ATRNL1: variants seen among roughly 807,000 people sequenced by gnomAD.
ATRNL1 encodes the protein attractin like 1.
ATRNL1 carries 95 observed loss-of-function variants against 182.7 expected under a neutral mutation model. The observed-to-expected ratio is 0.52, with a 90% confidence interval of 0.44 to 0.62. ATRNL1 has a LOEUF of 0.62. ATRNL1 is among the 20% of genes least tolerant of loss of function. ATRNL1 has a pLI of 0.00. For synonymous variants in ATRNL1, 576 were observed against 568.3 expected, an observed-to-expected ratio of 1.01 and a Z score of -0.19; for missense variants, 1,471 against 1,679.5, an observed-to-expected ratio of 0.88 and a Z score of 2.17.
intron 24 of ATRNL1, among the ~76,000 whole-genome samples, chr10:115,501,125 G>C (rs1554980017): frequency 6.6e-6 from 1 of 151,456 alleles, no homozygotes; most frequent in Non-Finnish European, 1.5e-5. Context: ...GTAGAGACAG[G>C]GTTTCACCAT....
intron 27 of ATRNL1, among the ~76,000 whole-genome samples, chr10:115,831,507 C>A (rs1242304155): frequency 6.6e-6 from 1 of 151,994 alleles, no homozygotes; most frequent in Non-Finnish European, 1.5e-5. Flanking sequence ...ATGAGAAAAT[C>A]CCCCCAGTGA....
At position 115,803,249 on chromosome 10, in the gene ATRNL1, C is replaced by T. The variant is rs528610742; in HGVS notation, c.3904-44628C>T. On this transcript the variant is annotated intron_variant, in intron 27 of 28. Transcript: ENST00000355044. ...AGTATACTTACCTAAATTAATTTGG[C>T]AAGATTATTTTGGTTCAAATCCTCA... 4.5e-5 allele frequency among the ~76,000 whole-genome samples: 6 copies of T among 133,852 alleles called. No individual in the cohort carries two copies. In the East Asian group the frequency reaches 1.6e-3, roughly 36 times the overall value. 87.8% of individuals were successfully genotyped at this position (133,852 alleles called of 152,430 possible).
intron 9 of ATRNL1, among the ~76,000 whole-genome samples, chr10:115,232,330 A>T (rs1554900192): frequency 6.6e-6 from 1 of 152,000 alleles, no homozygotes; most frequent in Non-Finnish European, 1.5e-5. Flanking sequence ...TTTGGTTTTA[A>T]TTTGCGTTTC....
rs570871858 is a variant in ATRNL1, at chr10:115,324,023, C to T, written c.3037+8287C>T. 3.3e-3 allele frequency among the ~76,000 whole-genome samples: 495 copies of T among 152,112 alleles called. 2 individuals carry two copies. Among genetic ancestry groups the T allele is most frequent in the Middle Eastern group, 6.8e-3 (2 of 292 alleles). On this transcript the variant is annotated intron_variant, in intron 18 of 28. Coordinates refer to ENST00000355044, the MANE Select transcript of ATRNL1 (RefSeq NM_207303.4). ...CGATCTCCTGACCTCGTGATCTGCC[C>T]GCCTTGGCCTCCCAAAGTGCTGGGA...
At chr10:115,157,035 A>G (rs1846553154) in intron 5 of ATRNL1, among the ~76,000 whole-genome samples, 1 of 152,104 alleles carries the variant, frequency 6.6e-6, no homozygotes, top group Non-Finnish European at 1.5e-5. Context: ...ATGTTCTAGT[A>G]CAATAACATA....
chr10:115,442,292 T>TCTCTCTCTCTCTCTCTCTCTCC (rs1846729269), intron 21 of ATRNL1, among the ~76,000 whole-genome samples: 2 of 129,210 alleles, frequency 1.5e-5, no homozygotes, highest in African/African-American at 5.2e-5. Flanking sequence ...TCTCTCTCTC[T>TCTCTCTCTCTCTCTCTCTCTCC]CTCTCTCTCT....
At chr10:115,605,978 T>G (rs1283175030) in intron 26 of ATRNL1, among the ~76,000 whole-genome samples, 1 of 151,950 alleles carries the variant, frequency 6.6e-6, no homozygotes, top group Non-Finnish European at 1.5e-5. Flanking sequence ...GAAAGATGCA[T>G]GCATAATGAA....
chr10:115,464,877 T>C (rs1224172610), intron 22 of ATRNL1, among the ~76,000 whole-genome samples: 3 of 151,784 alleles, frequency 2.0e-5, no homozygotes, highest in Non-Finnish European at 4.4e-5. Context: ...GTCCTTTTTT[T>C]GAGTTCCCAG....
chr10:115,409,658 AAAACAAAC>A (rs1219865872), intron 20 of ATRNL1, among the ~76,000 whole-genome samples: 2 of 152,284 alleles, frequency 1.3e-5, no homozygotes, highest in South Asian at 2.1e-4. Flanking sequence ...TTCTTACTGA[AAAACAAAC>A]AAACAAAAAA....
chr10:115,928,431 C>T (rs528803678), intron 28 of ATRNL1, among the ~76,000 whole-genome samples: 8 of 152,100 alleles, frequency 5.3e-5, no homozygotes, highest in African/African-American at 1.4e-4. Flanking sequence ...TCTTAGACTT[C>T]ATAAGCTTTT....
chr10:115,290,475 T>C (rs1202692497), intron 15 of ATRNL1, among the ~76,000 whole-genome samples: 4 of 151,992 alleles, frequency 2.6e-5, no homozygotes, highest in African/African-American at 7.2e-5. Flanking sequence ...GCCAACAAGG[T>C]GAAACGCCGT....
chr10:115,449,261 G>A (rs978938083), intron 21 of ATRNL1, among the ~76,000 whole-genome samples: 12 of 152,298 alleles, frequency 7.9e-5, no homozygotes, highest in Middle Eastern at 3.4e-3. Context: ...GAAGCAGCCA[G>A]ACATTGGAGA....
chr10:115,854,965 C>T (rs1255843025), intron 28 of ATRNL1, among the ~76,000 whole-genome samples: 1 of 152,106 alleles, frequency 6.6e-6, no homozygotes, highest in Non-Finnish European at 1.5e-5. Context: ...CTTTTCATTG[C>T]CTGTTGAAAT....
At chr10:115,429,409 C>T (rs1291138200) in intron 21 of ATRNL1, among the ~76,000 whole-genome samples, 1 of 152,024 alleles carries the variant, frequency 6.6e-6, no homozygotes, top group Non-Finnish European at 1.5e-5. Context: ...GTTGAGACCT[C>T]TATTTCTGGG....
intron 24 of ATRNL1, among the ~76,000 whole-genome samples, chr10:115,483,523 T>G (rs1848869693): frequency 6.6e-6 from 1 of 151,578 alleles, no homozygotes; most frequent in Non-Finnish European, 1.5e-5. Flanking sequence ...GCCAAATATA[T>G]TTAATATAAT....
At chr10:115,221,104 C>G (rs538401997) in intron 9 of ATRNL1, among the ~76,000 whole-genome samples, 1 of 152,296 alleles carries the variant, frequency 6.6e-6, no homozygotes, top group African/African-American at 2.4e-5. Flanking sequence ...AGGGTTTGCA[C>G]TCCTATGATA....
intron 26 of ATRNL1, among the ~76,000 whole-genome samples, chr10:115,566,582 C>T (rs565712905): frequency 1.3e-3 from 199 of 152,088 alleles, no homozygotes; most frequent in African/African-American, 4.5e-3. Context: ...AATGATATTA[C>T]GGAGACTATT....
chr10:115,694,442 A>G (rs1946489657), intron 26 of ATRNL1, among the ~76,000 whole-genome samples: 1 of 152,120 alleles, frequency 6.6e-6, no homozygotes, highest in Non-Finnish European at 1.5e-5. Context: ...TAAATACTAG[A>G]CAAATATCTT....
At chr10:115,938,505 G>A (rs1467445761) in intron 28 of ATRNL1, among the ~76,000 whole-genome samples, 2 of 152,060 alleles carry the variant, frequency 1.3e-5, no homozygotes, top group Non-Finnish European at 2.9e-5. Context: ...TCTGATTTTG[G>A]TGTATGTTCT....
Sources: gnomAD v4.1 joint callset for allele counts (sites outside exome capture counted in the v4.1 genomes callset) on GRCh38, gnomAD v4.1.1 for gene constraint, MANE v1.5 for transcripts, NCBI Gene and HGNC (gene_info 2026-07-23, HGNC 2026-07-21) for gene names.